Variants in WSB1 observed in about 807,000 individuals in gnomAD.
WSB1 encodes WD repeat and SOCS box-containing protein 1.
In WSB1, 23 loss-of-function variants were observed where a neutral mutation model predicts 50.2. The ratio of observed to expected loss-of-function variants is 0.46; its 90% CI spans 0.33 to 0.65. The LOEUF is 0.65. Among genes scored for constraint, WSB1 ranks in the 30% least tolerant of loss-of-function variants. WSB1 has a pLI of 0.02. For missense variants in WSB1, 492 were observed against 522.3 expected, an observed-to-expected ratio of 0.94 and a Z score of 0.56; for synonymous variants, 179 against 172.0, an observed-to-expected ratio of 1.04 and a Z score of -0.32.
At chr17:27,308,704 A>AT (rs2017554031) in intron 5 of WSB1, 2 of 987,110 alleles carry the variant, frequency 2.0e-6, no homozygotes, top group Non-Finnish European at 2.4e-6. Flanking sequence ...CTGTCTGTAT[A>AT]TTTTTTTAAA....
rs1279957927 is a variant in WSB1 at position 27,313,967 on chromosome 17, T to G, written c.*1598T>G. The G allele has an allele frequency of 6.6e-6, 1 of 152,324 alleles. No individual in the cohort carries two copies. The highest frequency in any genetic ancestry group is 1.9e-4 in the East Asian group (1 of 5,192). The allele number at this position is 152,324 out of a possible 1,614,324, so 9.4% of individuals were successfully genotyped here. A position where few individuals can be genotyped will look rare whatever the true frequency, so the allele number is the denominator to read the frequency against. ...GTCTATCTGGTTAAAGTAGTTATTA[T>G]GAAAATCTAGCAGTCTGGGTCCTTT... On this transcript the variant is annotated 3_prime_UTR_variant, in exon 9 of 9. Coordinates refer to ENST00000262394, the MANE Select transcript of WSB1 (RefSeq NM_015626.10).
intron 3 of WSB1, 55 bp downstream of exon 3, chr17:27,303,690 C>A: frequency 1.3e-6 from 2 of 1,562,760 alleles, no homozygotes; most frequent in Non-Finnish European, 1.7e-6. Flanking sequence ...CAGGGCACTG[C>A]TTATAGGCAC....
At chr17:27,297,752 C>T (rs1324341996) in intron 1 of WSB1, among the ~76,000 whole-genome samples, 5 of 152,110 alleles carry the variant, frequency 3.3e-5, no homozygotes, top group Non-Finnish European at 5.9e-5. Context: ...GTCCTATTAC[C>T]ACTATACACA....
rs781575580 is a variant in WSB1, at chr17:27,310,224, C to A, written c.998+50C>A. ...CTGACTTACTATTACCTTTTACATT[C>A]TTAAGCCTTAAAGCCTTTCTGCAGT... On this transcript the variant is annotated intron_variant, in intron 7 of 8. Coordinates refer to ENST00000262394, the MANE Select transcript of WSB1 (RefSeq NM_015626.10). The A allele has an allele frequency of 2.6e-6, 4 of 1,550,386 alleles. No individual in the cohort carries two copies. The East Asian group carries it at 6.8e-5, about 26-fold the overall frequency.
rs2150848830 is a variant in WSB1 at position 27,315,811 on chromosome 17, A to G, written c.*3442A>G. The G allele has an allele frequency of 6.6e-6, 1 of 152,376 alleles. No homozygotes were observed. The highest frequency in any genetic ancestry group is 2.1e-4 in the South Asian group (1 of 4,828). 9.4% of individuals were successfully genotyped at this position (152,376 alleles called of 1,614,324 possible). On this transcript the variant is annotated 3_prime_UTR_variant, in exon 9 of 9. Transcript: ENST00000262394. ...TATATGGATGTACTATCATTTGGTG[A>G]TAAAAGCATAGAAAAAGCATAAGTT...
chr17:27,294,146 A>G lies in WSB1; in HGVS notation c.-250A>G, dbSNP rs1356891728. 3 of 338,182 alleles carry G rather than the reference A, an allele frequency of 8.9e-6. No individual in the cohort carries two copies. The highest frequency in any genetic ancestry group is 1.6e-5 in the Non-Finnish European group (3 of 185,952). 20.9% of individuals were successfully genotyped at this position (338,182 alleles called of 1,614,324 possible). On this transcript the variant is annotated 5_prime_UTR_variant, in exon 1 of 9. Coordinates refer to ENST00000262394, the MANE Select transcript of WSB1 (RefSeq NM_015626.10). ...CGTTTGCAGTCGGCGCTTTAGGGGA[A>G]CTGTCTTCCTCCGCAGGCGCGAGGC...
intron 1 of WSB1, among the ~76,000 whole-genome samples, chr17:27,296,305 C>T (rs1237034701): frequency 1.3e-5 from 2 of 151,308 alleles, no homozygotes; most frequent in South Asian, 4.2e-4. Flanking sequence ...TAAAAACTTA[C>T]TAGCTAAGTG....
intron 4 of WSB1, among the ~76,000 whole-genome samples, chr17:27,305,705 C>T (rs1400138734): frequency 6.6e-6 from 1 of 152,192 alleles, no homozygotes; most frequent in Non-Finnish European, 1.5e-5. Flanking sequence ...AGATAGTAAC[C>T]ATTCCTTAAT....
At chr17:27,303,759 C>T (rs945973455) in intron 3 of WSB1, 124 bp downstream of exon 3, 24 of 1,231,058 alleles carry the variant, frequency 1.9e-5, no homozygotes, top group Admixed American at 6.8e-5. Context: ...GGCATAGGTG[C>T]GTCTTTATAA....
rs142086457 is a variant in WSB1, at chr17:27,301,220, C to A, written c.41-568C>A. Reference sequence around the variant, plus strand: ...TGGTTTGGAGGGTTGGACTAGACAACCTGTAAGTCTCTTCTAGTTCTGAGG... The same window carrying A: ...TGGTTTGGAGGGTTGGACTAGACAAACTGTAAGTCTCTTCTAGTTCTGAGG... On this transcript the variant is annotated intron_variant, in intron 1 of 8. Transcript: ENST00000262394. Among the ~76,000 whole-genome samples the A allele has an allele frequency of 1.5e-3, 221 of 152,168 alleles. 1 individual carries two copies. Among genetic ancestry groups the A allele is most frequent in the African/African-American group, 5.2e-3 (217 of 41,512 alleles).
chr17:27,306,776 G>C lies in WSB1; in HGVS notation c.611-6G>C, dbSNP rs1489682452. Reference sequence around the variant, plus strand: ...GGGTTAATACAGATTATTTCTTTTTGTTCAGGAAACATGATGAAAGTATTG... The same window carrying C: ...GGGTTAATACAGATTATTTCTTTTTCTTCAGGAAACATGATGAAAGTATTG... On this transcript the variant is annotated splice_polypyrimidine_tract_variant and splice_region_variant and intron_variant, in intron 4 of 8. Coordinates refer to ENST00000262394, the MANE Select transcript of WSB1 (RefSeq NM_015626.10). The C allele has an allele frequency of 6.2e-7, 1 of 1,613,066 alleles. No individual in the cohort carries two copies. The highest frequency in any genetic ancestry group is 1.3e-5 in the African/African-American group (1 of 74,836).
intron 1 of WSB1, among the ~76,000 whole-genome samples, chr17:27,296,657 A>T (rs2150826351): frequency 6.6e-6 from 1 of 152,328 alleles, no homozygotes; most frequent in South Asian, 2.1e-4. Context: ...GAATGTAAAG[A>T]AGGAGCTAAA....
Position 27,314,648 on chromosome 17 carries a change from A to T in WSB1, c.*2279A>T, listed in dbSNP as rs2017795953. 1 of 152,032 alleles carries T rather than the reference A, an allele frequency of 6.6e-6. No homozygotes were observed. The highest frequency in any genetic ancestry group is 6.6e-5 in the Admixed American group (1 of 15,248). 9.4% of individuals were successfully genotyped at this position (152,032 alleles called of 1,614,324 possible). ...ACACCAACATATCCAGTCAAGTAAAAACAGCTTTTTTTATTTTTTATTTTT... is the reference window on the plus strand; with the variant it reads ...ACACCAACATATCCAGTCAAGTAAATACAGCTTTTTTTATTTTTTATTTTT... On this transcript the variant is annotated 3_prime_UTR_variant, in exon 9 of 9. Transcript: ENST00000262394.
intron 1 of WSB1, chr17:27,297,218 T>TGCAGTAGC (rs922552905): frequency 2.6e-5 from 4 of 152,136 alleles, no homozygotes; most frequent in Admixed American, 6.6e-5. Context: ...CAGGCTGGAG[T>TGCAGTAGC]GCAGTAGCGC....
In WSB1 at chr17:27,312,617, T is replaced by G; in HGVS notation, c.*248T>G. 1 of 423,856 alleles carries G rather than the reference T, an allele frequency of 2.4e-6. No homozygotes were observed. Among genetic ancestry groups the G allele is most frequent in the Middle Eastern group, 6.6e-4 (1 of 1,518 alleles). The allele number at this position is 423,856 out of a possible 1,614,324, so 26.3% of individuals were successfully genotyped here. A position where few individuals can be genotyped will look rare whatever the true frequency, so the allele number is the denominator to read the frequency against. ...TGAAAACATACATACCTGTACATATTTAGATATAAGCTGCTATATGTTGAA... is the reference window on the plus strand; with the variant it reads ...TGAAAACATACATACCTGTACATATGTAGATATAAGCTGCTATATGTTGAA... On this transcript the variant is annotated 3_prime_UTR_variant, in exon 9 of 9. Transcript: ENST00000262394.
At chr17:27,297,834 A>C (rs2017045515) in intron 1 of WSB1, among the ~76,000 whole-genome samples, 1 of 152,012 alleles carries the variant, frequency 6.6e-6, no homozygotes, top group Non-Finnish European at 1.5e-5. Flanking sequence ...TAGGCTGGGC[A>C]CGGTGGCTCA....
intron 5 of WSB1, chr17:27,307,526 A>G: frequency 1.8e-6 from 1 of 559,154 alleles, no homozygotes; most frequent in Non-Finnish European, 3.1e-6. Context: ...ACATGTGATA[A>G]TTACAATACA....
chr17:27,303,709 G>A (rs2017330294), intron 3 of WSB1, 74 bp downstream of exon 3: 3 of 1,525,396 alleles, frequency 2.0e-6, no homozygotes, highest in Non-Finnish European at 2.6e-6. Context: ...ACTGGAATTG[G>A]GATTTGAGGA....
At chr17:27,294,964 A>G (rs886408026) in intron 1 of WSB1, among the ~76,000 whole-genome samples, 2 of 152,106 alleles carry the variant, frequency 1.3e-5, no homozygotes. Context: ...GGGGGAGGAG[A>G]CTTTTAGAAT....
Sources: allele counts gnomAD v4.1 joint callset (sites outside exome capture counted in the v4.1 genomes callset), GRCh38; gene constraint gnomAD v4.1.1; transcripts MANE v1.5; gene names NCBI Gene and HGNC (gene_info 2026-07-23, HGNC 2026-07-21).